The following NOS1AP variants were observed in gnomAD, a reference collection of about 807,000 sequenced individuals.
NOS1AP encodes nitric oxide synthase 1 adaptor protein, also known as carboxyl-terminal PDZ ligand of neuronal nitric oxide synthase protein.
A neutral mutation model predicts 56.2 loss-of-function variants in NOS1AP; 21 were observed. The ratio of observed to expected loss-of-function variants is 0.37; its 90% CI spans 0.26 to 0.54. The LOEUF (loss-of-function observed/expected upper bound fraction) is 0.54. NOS1AP is among the 20% of genes least tolerant of loss of function. The pLI is 0.84. For missense variants in NOS1AP, 522 were observed against 657.8 expected, an observed-to-expected ratio of 0.79 and a Z score of 2.26; for synonymous variants, 270 against 274.6, an observed-to-expected ratio of 0.98 and a Z score of 0.17.
chr1:162,354,110 C>A (rs940356343), intron 6 of NOS1AP, among the ~76,000 whole-genome samples: 10 of 152,230 alleles, frequency 6.6e-5, no homozygotes, highest in African/African-American at 2.4e-4. Flanking sequence ...CATAGGAAAA[C>A]TTCTTAGAAC....
intron 1 of NOS1AP, among the ~76,000 whole-genome samples, chr1:162,100,383 G>A (rs1692356017): frequency 6.6e-6 from 1 of 152,202 alleles, no homozygotes; most frequent in South Asian, 2.1e-4. Flanking sequence ...CTGATGGCCA[G>A]TGATGATGAG....
At chr1:162,176,505 C>CTTT (rs34280743) in intron 2 of NOS1AP, among the ~76,000 whole-genome samples, 3,000 of 87,270 alleles carry the variant, frequency 0.034, 28 homozygotes, top group Non-Finnish European at 0.047. Flanking sequence ...CATAATAGCT[C>CTTT]TTTTTTTTTT....
chr1:162,273,563 C>T (rs752529665), intron 2 of NOS1AP, among the ~76,000 whole-genome samples: 1 of 152,150 alleles, frequency 6.6e-6, no homozygotes, highest in Non-Finnish European at 1.5e-5. Context: ...TCTGTGCTAA[C>T]CTTGGAGGCC....
chr1:162,114,734 G>A (rs960024514), intron 1 of NOS1AP, among the ~76,000 whole-genome samples: 6 of 152,116 alleles, frequency 3.9e-5, no homozygotes, highest in African/African-American at 1.4e-4. Flanking sequence ...TGGTCTCATC[G>A]GGACCTGCCT....
At position 162,210,012 on chromosome 1, in the gene NOS1AP, A is replaced by G. The variant is rs370497578; in HGVS notation, c.177+55536A>G. Among the ~76,000 whole-genome samples, 92 of 152,288 alleles carry G rather than the reference A, an allele frequency of 6.0e-4. 1 individual carries two copies. The highest frequency in any genetic ancestry group is 2.2e-3 in the African/African-American group (91 of 41,554). On this transcript the variant is annotated intron_variant, in intron 2 of 9. Transcript: ENST00000361897. ...ACTAGATGTCTCTAAGTTCTTTCCA[A>G]CCTGGGAGTTTTAAAAATGTATATA...
At chr1:162,270,030 T>C (rs959455085) in intron 2 of NOS1AP, among the ~76,000 whole-genome samples, 2 of 152,200 alleles carry the variant, frequency 1.3e-5, no homozygotes, top group African/African-American at 4.8e-5. Flanking sequence ...ATAGCCATTA[T>C]AATAAACAAA....
chr1:162,367,144 C>A lies in NOS1AP; in HGVS notation c.1198C>A (p.His400Asn). The change falls in exon 10 of 10, where the codon CAT (histidine) becomes AAT (asparagine). Residue 400 changes from histidine to asparagine, a missense_variant. By Grantham distance (68) the His-to-Asn change is moderately conservative. Coordinates refer to ENST00000361897, the MANE Select transcript of NOS1AP (RefSeq NM_014697.3). This position sits in a 1 kb window ranked among gnomAD's most constrained non-coding sequence, Gnocchi z 6.5. Reference protein sequence around the residue: ...DPTTPKPEDLHSPPLGAGLAD... With the variant: ...DPTTPKPEDLNSPPLGAGLAD... ...CACGACCCCTAAGCCAGAGGACCTG[C>A]ATTCGCCGCCGCTGGGCGCGGGCTT... The A allele has an allele frequency of 6.2e-7, 1 of 1,613,820 alleles. No individual in the cohort carries two copies. Among genetic ancestry groups the A allele is most frequent in the Non-Finnish European group, 8.5e-7 (1 of 1,179,960 alleles).
intron 1 of NOS1AP, among the ~76,000 whole-genome samples, chr1:162,093,338 G>T (rs1692173435): frequency 6.6e-6 from 1 of 152,228 alleles, no homozygotes; most frequent in Non-Finnish European, 1.5e-5. Flanking sequence ...ACAAGACAGT[G>T]TTGGCTGCAA....
intron 2 of NOS1AP, among the ~76,000 whole-genome samples, chr1:162,219,829 G>A (rs548324107): frequency 1.3e-5 from 2 of 152,224 alleles, no homozygotes; most frequent in Non-Finnish European, 2.9e-5. Context: ...ATTGTTGCCT[G>A]TAAGTTTACC....
intron 2 of NOS1AP, among the ~76,000 whole-genome samples, chr1:162,226,333 C>G (rs1652940447): frequency 6.6e-6 from 1 of 152,108 alleles, no homozygotes; most frequent in Non-Finnish European, 1.5e-5. Flanking sequence ...GTGCTAGGCC[C>G]TGGGGATTTA....
intron 1 of NOS1AP, among the ~76,000 whole-genome samples, chr1:162,092,213 A>C (rs1004275234): frequency 1.8e-4 from 27 of 152,192 alleles, no homozygotes; most frequent in African/African-American, 6.3e-4. Flanking sequence ...TTTATAGAGT[A>C]AATTGAAGGG....
At chr1:162,177,213 T>G (rs1395638219) in intron 2 of NOS1AP, among the ~76,000 whole-genome samples, 1 of 152,224 alleles carries the variant, frequency 6.6e-6, no homozygotes, top group Non-Finnish European at 1.5e-5. Context: ...TGATTTGGAA[T>G]AGCCCTGGAG....
At position 162,300,719 on chromosome 1, in the gene NOS1AP, T is replaced by G; in HGVS notation, c.344+13T>G. On this transcript the variant is annotated intron_variant, in intron 4 of 9. Coordinates refer to ENST00000361897, the MANE Select transcript of NOS1AP (RefSeq NM_014697.3). ...ACCCCATCTACAGGTAAGAGCCCAG[T>G]CCAGCACCCAAGATATCACTGAGCC... The G allele has an allele frequency of 6.2e-7, 1 of 1,613,170 alleles. No individual in the cohort carries two copies. The highest frequency in any genetic ancestry group is 8.5e-7 in the Non-Finnish European group (1 of 1,179,180).
At chr1:162,115,556 G>T (rs1165012718) in intron 1 of NOS1AP, among the ~76,000 whole-genome samples, 2 of 152,184 alleles carry the variant, frequency 1.3e-5, no homozygotes, top group Non-Finnish European at 2.9e-5. Flanking sequence ...AATGTGGCTT[G>T]CAGACCAGCA....
chr1:162,299,753 GGT>G (rs138847283), intron 3 of NOS1AP, among the ~76,000 whole-genome samples: 75 of 151,084 alleles, frequency 5.0e-4, no homozygotes, highest in African/African-American at 1.3e-3. Flanking sequence ...GATTAAATGT[GGT>G]GTGTGTGTGT....
Position 162,202,206 on chromosome 1 carries a change from G to C in NOS1AP, c.177+47730G>C, listed in dbSNP as rs1047642104. On this transcript the variant is annotated intron_variant, in intron 2 of 9. Transcript: ENST00000361897. ...GAAGAATGAATTTCATTTTGGATGGGGTAGCTTTACTGAGTTTTTTTCCTT... is the reference window on the plus strand; with the variant it reads ...GAAGAATGAATTTCATTTTGGATGGCGTAGCTTTACTGAGTTTTTTTCCTT... 2.0e-5 allele frequency among the ~76,000 whole-genome samples: 3 copies of C among 151,942 alleles called. No homozygotes were observed. The East Asian group carries it at 5.8e-4, about 29-fold the overall frequency.
rs1553210804 is a variant in NOS1AP at position 162,368,447 on chromosome 1, A to AAAAAAAG, written c.*984_*985insAAGAAAA. Reference sequence around the variant, plus strand: ...TGGTCAGTTTTTACTGCAAAAAAAAAAAAAGAAAAAAGAGAAAGAAAAAAA... The same window carrying AAAAAAAG: ...TGGTCAGTTTTTACTGCAAAAAAAAAAAAAAAGAAAAGAAAAAAGAGAAAGAAAAAAA... On this transcript the variant is annotated 3_prime_UTR_variant, in exon 10 of 10. Transcript: ENST00000361897. 7.3e-6 allele frequency: 1 copy of AAAAAAAG among 137,174 alleles called. No individual in the cohort carries two copies. The highest frequency in any genetic ancestry group is 2.5e-5 in the African/African-American group (1 of 39,482). The allele number at this position is 137,174 out of a possible 1,614,324, so 8.5% of individuals were successfully genotyped here.
intron 5 of NOS1AP, among the ~76,000 whole-genome samples, 154 bp from the exon 6 acceptor site, chr1:162,343,681 T>G (rs567736204): frequency 1.3e-5 from 2 of 152,370 alleles, no homozygotes. Flanking sequence ...CTGGAGTATT[T>G]CAGAAAGGGG....
At chr1:162,336,614 G>A (rs1269542405) in intron 5 of NOS1AP, among the ~76,000 whole-genome samples, 1 of 152,186 alleles carries the variant, frequency 6.6e-6, no homozygotes, top group Admixed American at 6.5e-5. Context: ...GCCCAAGGAA[G>A]TAAATCACCC....
Sources: allele counts gnomAD v4.1 joint callset (sites outside exome capture counted in the v4.1 genomes callset), GRCh38; gene constraint gnomAD v4.1.1; non-coding constraint Gnocchi (gnomAD v3.1); transcripts MANE v1.5; gene names NCBI Gene and HGNC (gene_info 2026-07-23, HGNC 2026-07-21).